The following UQCR11 variants were observed in gnomAD, a reference collection of about 807,000 sequenced individuals.
UQCR11 encodes the protein cytochrome b-c1 complex subunit 10.
In UQCR11, 10 loss-of-function variants were observed where a neutral mutation model predicts 7.6. That is an observed-to-expected ratio of 1.31 (90% CI 0.81 to 2.22). The LOEUF is 2.22. Ranked by LOEUF, UQCR11 falls within the 30% of genes most tolerant of loss-of-function variation. The probability of loss-of-function intolerance (pLI) is 0.00; values close to 1 mark genes in which losing one functional copy is unlikely to be tolerated. For synonymous variants in UQCR11, 34 were observed against 34.9 expected, an observed-to-expected ratio of 0.97 and a Z score of 0.09; for missense variants, 86 against 75.1, an observed-to-expected ratio of 1.15 and a Z score of -0.54.
chr19:1,598,831 C>A (rs960765866), intron 2 of UQCR11: 1 of 154,606 alleles, frequency 6.5e-6, no homozygotes, highest in Non-Finnish European at 1.4e-5. Context: ...GAAACACAGA[C>A]CGGAGCAGGG....
chr19:1,604,071 A>G (rs759195226), intron 1 of UQCR11, among the ~76,000 whole-genome samples: 1 of 151,616 alleles, frequency 6.6e-6, no homozygotes, highest in Non-Finnish European at 1.5e-5. Context: ...TCAGCCTCCC[A>G]AGTAGCTGGG....
intron 1 of UQCR11, among the ~76,000 whole-genome samples, chr19:1,599,934 C>T (rs529684447): frequency 6.6e-6 from 1 of 152,388 alleles, no homozygotes; most frequent in African/African-American, 2.4e-5. Context: ...GCCGCCATCA[C>T]AGTCCCTGTT....
At chr19:1,600,100 TA>T (rs2060742949) in intron 1 of UQCR11, among the ~76,000 whole-genome samples, 1 of 105,338 alleles carries the variant, frequency 9.5e-6, no homozygotes, top group Non-Finnish European at 2.4e-5. Context: ...CAGCAGATTC[TA>T]GGAAGGCCCA....
intron 1 of UQCR11, among the ~76,000 whole-genome samples, chr19:1,604,124 C>A (rs2060754989): frequency 6.6e-6 from 1 of 151,896 alleles, no homozygotes; most frequent in Non-Finnish European, 1.5e-5. Flanking sequence ...TTTGTATTTT[C>A]AGTAGAGACG....
chr19:1,599,628 C>G (rs1318672199), intron 1 of UQCR11, 68 bp from the exon 2 acceptor site: 9 of 1,582,638 alleles, frequency 5.7e-6, no homozygotes, highest in Non-Finnish European at 7.7e-6. Flanking sequence ...CCTGCCCACC[C>G]CGGCCCCCCG....
At chr19:1,605,268 G>GGCCCT (rs1395947172) in intron 1 of UQCR11, 92 bp downstream of exon 1, 1 of 1,405,532 alleles carries the variant, frequency 7.1e-7, no homozygotes. Flanking sequence ...GGCCCGGCCC[G>GGCCCT]GCCCCCGGAA....
chr19:1,599,379 G>A, intron 2 of UQCR11, 33 bp downstream of exon 2: 1 of 1,603,452 alleles, frequency 6.2e-7, no homozygotes, highest in South Asian at 1.1e-5. Flanking sequence ...CGGCCATCAT[G>A]CAGTCCACCC....
At chr19:1,603,304 G>C (rs888499277) in intron 1 of UQCR11, among the ~76,000 whole-genome samples, 1 of 152,180 alleles carries the variant, frequency 6.6e-6, no homozygotes, top group South Asian at 2.1e-4. Flanking sequence ...CACATAGTAG[G>C]TGCTCAATAA....
intron 1 of UQCR11, among the ~76,000 whole-genome samples, chr19:1,600,254 A>G: frequency 7.6e-6 from 1 of 131,530 alleles, no homozygotes; most frequent in South Asian, 2.3e-4. Context: ...TTGCTCTGTC[A>G]CCAAGCTGGA....
chr19:1,604,179 G>A (rs1599358331), intron 1 of UQCR11, among the ~76,000 whole-genome samples: 1 of 152,078 alleles, frequency 6.6e-6, no homozygotes, highest in Non-Finnish European at 1.5e-5. Flanking sequence ...TCCTGACCTC[G>A]GGTGATTCGC....
At chr19:1,600,209 CTTTTTTTTTT>C (rs751453784) in intron 1 of UQCR11, among the ~76,000 whole-genome samples, 45 of 121,350 alleles carry the variant, frequency 3.7e-4, no homozygotes, top group Non-Finnish European at 6.4e-4. Context: ...GCACAGGCTT[CTTTTTTTTTT>C]TTTTTTTTTT....
Position 1,597,929 on chromosome 19 carries a change from TG to T in UQCR11, c.*314del, listed in dbSNP as rs1324714176. Reference sequence around the variant, plus strand: ...CAAATAGGCAGTTTCTGTCAGCCATTGGAACACTCTCCTAGACTTGCAACAT... The same window carrying T: ...CAAATAGGCAGTTTCTGTCAGCCATTGAACACTCTCCTAGACTTGCAACAT... On this transcript the variant is annotated 3_prime_UTR_variant, in exon 3 of 3. Coordinates refer to ENST00000591899, the MANE Select transcript of UQCR11 (RefSeq NM_006830.4). 1 of 152,244 alleles carries T rather than the reference TG, an allele frequency of 6.6e-6. No individual in the cohort carries two copies. Among genetic ancestry groups the T allele is most frequent in the African/African-American group, 2.4e-5 (1 of 41,456 alleles). The allele number at this position is 152,244 out of a possible 1,614,324, so 9.4% of individuals were successfully genotyped here.
At chr19:1,602,819 A>G (rs1159222233) in intron 1 of UQCR11, among the ~76,000 whole-genome samples, 2 of 152,150 alleles carry the variant, frequency 1.3e-5, no homozygotes, top group Non-Finnish European at 2.9e-5. Context: ...CGCCTCCCCT[A>G]TCATCCTGGT....
rs1283447889 is a variant in UQCR11, at chr19:1,603,339, A to G, written c.50+2021T>C. 1.3e-5 allele frequency among the ~76,000 whole-genome samples: 2 copies of G among 152,232 alleles called. 1 individual carries two copies. The highest frequency in any genetic ancestry group is 2.9e-5 in the Non-Finnish European group (2 of 68,046). ...AATGTTGGGCTGGGCGCAGTGGCTC[A>G]TGCCTGTAATCCCAGAACTTTGGGA... On this transcript the variant is annotated intron_variant, in intron 1 of 2. Transcript: ENST00000591899.
chr19:1,603,268 G>A (rs573587759), intron 1 of UQCR11, among the ~76,000 whole-genome samples: 3 of 152,278 alleles, frequency 2.0e-5, no homozygotes, highest in South Asian at 4.1e-4. Flanking sequence ...CGCCCACAAG[G>A]GTTCGGTCTA....
intron 1 of UQCR11, among the ~76,000 whole-genome samples, chr19:1,600,175 C>T (rs1350864798): frequency 1.3e-5 from 2 of 151,852 alleles, no homozygotes; most frequent in Admixed American, 6.6e-5. Flanking sequence ...CTGGCGTTTA[C>T]GCCCTCGCAC....
chr19:1,604,188 G>A (rs1014990401), intron 1 of UQCR11, among the ~76,000 whole-genome samples: 1 of 152,090 alleles, frequency 6.6e-6, no homozygotes, highest in Non-Finnish European at 1.5e-5. Context: ...CGGGTGATTC[G>A]CCCGCCTTGG....
Position 1,599,544 on chromosome 19 carries a change from T to A in UQCR11, c.67A>T (p.Thr23Ser). The change falls in exon 2 of 3, where the codon ACA becomes TCA. Residue 23 changes from threonine (T) to serine (S), a missense_variant. Transcript: ENST00000591899. ...LVKNWVPTAY[T>S]WGAVGAVGLV... is the part of the protein sequence containing the mutation. ...CCCACGGCGCCCACAGCGCCCCATG[T>A]GTAGGCCGTCGGGACCCTGCGAGAG... 1 of 1,611,384 alleles carries A rather than the reference T, an allele frequency of 6.2e-7. No individual in the cohort carries two copies. Among genetic ancestry groups the A allele is most frequent in the Non-Finnish European group, 8.5e-7 (1 of 1,179,948 alleles).
intron 1 of UQCR11, among the ~76,000 whole-genome samples, chr19:1,600,192 A>G (rs1465613501): frequency 6.6e-6 from 1 of 150,776 alleles, no homozygotes; most frequent in Non-Finnish European, 1.5e-5. Flanking sequence ...GCACAGTATG[A>G]ACTTGGGCAC....
Sources: allele counts gnomAD v4.1 joint callset (sites outside exome capture counted in the v4.1 genomes callset), GRCh38; gene constraint gnomAD v4.1.1; transcripts MANE v1.5; gene names NCBI Gene and HGNC (gene_info 2026-07-23, HGNC 2026-07-21).